GASK1B: variants seen among roughly 807,000 people sequenced by gnomAD.
GASK1B encodes Golgi-associated kinase 1B.
Under a neutral mutation model 42.8 loss-of-function variants are expected in GASK1B, and 34 were observed. The observed-to-expected ratio is 0.79, with a 90% confidence interval of 0.60 to 1.06. The LOEUF (loss-of-function observed/expected upper bound fraction) is 1.06. Among genes scored for constraint, GASK1B ranks in the 50% least tolerant of loss-of-function variants. The probability of loss-of-function intolerance (pLI) is 0.00; values close to 1 mark genes in which losing one functional copy is unlikely to be tolerated. For missense variants in GASK1B, 686 were observed against 661.0 expected, an observed-to-expected ratio of 1.04 and a Z score of -0.42; for synonymous variants, 262 against 259.1, an observed-to-expected ratio of 1.01 and a Z score of -0.11.
At chr4:158,155,549 G>A in intron 3 of GASK1B, 62 bp downstream of exon 3, 1 of 1,359,508 alleles carries the variant, frequency 7.4e-7, no homozygotes, top group Non-Finnish European at 1.0e-6. Flanking sequence ...ATTCCTTAGT[G>A]TCAGGCTAAT....
At chr4:158,170,278 A>T (rs1239971122) in intron 2 of GASK1B, 188 bp downstream of exon 2, 3 of 1,614,144 alleles carry the variant, frequency 1.9e-6, no homozygotes, top group Non-Finnish European at 2.5e-6. Flanking sequence ...TTTCCCTGGA[A>T]CTCTCATATC....
chr4:158,155,796 C>T lies in GASK1B; in HGVS notation c.940G>A (p.Asp314Asn). ...TTACTTGCTGAAGATAAAGATGCAT[C>T]CCAAAGAATGATGGGGCATGGGCGG... ...DGRPCPIILW[D>N]ASLSSASNDT... The change falls in exon 3 of 5, where the codon GAT (aspartate) becomes AAT (asparagine). Residue 314 changes from aspartate to asparagine, a missense_variant. Transcript: ENST00000585682. 6.2e-7 allele frequency: 1 copy of T among 1,613,724 alleles called. No homozygotes were observed. Among genetic ancestry groups the T allele is most frequent in the Non-Finnish European group, 8.5e-7 (1 of 1,179,748 alleles).
intron 3 of GASK1B, among the ~76,000 whole-genome samples, chr4:158,135,402 T>G (rs1296631400): frequency 2.7e-5 from 4 of 149,904 alleles, no homozygotes; most frequent in African/African-American, 9.8e-5. Context: ...ATAATAAAAA[T>G]ATTAATAGCA....
chr4:158,160,598 G>A (rs953095561), intron 2 of GASK1B, among the ~76,000 whole-genome samples: 4 of 152,106 alleles, frequency 2.6e-5, no homozygotes, highest in African/African-American at 7.2e-5. Flanking sequence ...TCCTAATTCT[G>A]GGTATCTATC....
chr4:158,150,985 C>T (rs767301360), intron 3 of GASK1B, among the ~76,000 whole-genome samples: 3 of 152,212 alleles, frequency 2.0e-5, no homozygotes, highest in Non-Finnish European at 4.4e-5. Context: ...TCTGCAATTT[C>T]TTCCTCCTAC....
intron 3 of GASK1B, among the ~76,000 whole-genome samples, chr4:158,155,223 G>A (rs1172587807): frequency 2.6e-5 from 4 of 152,052 alleles, no homozygotes; most frequent in African/African-American, 9.7e-5. Context: ...GGCCCTGAAA[G>A]AAATCAAAGT....
rs536034414 is a variant in GASK1B, at chr4:158,151,953, T to C, written c.1125+3658A>G. On this transcript the variant is annotated intron_variant, in intron 3 of 4. Transcript: ENST00000585682. ...CCACCCTCAATCTGGGTGGGCACCGTCTAATTAGCTGCCAGCACAGCTAGA... is the reference window on the plus strand; with the variant it reads ...CCACCCTCAATCTGGGTGGGCACCGCCTAATTAGCTGCCAGCACAGCTAGA... Among the ~76,000 whole-genome samples the C allele has an allele frequency of 3.3e-5, 5 of 152,264 alleles. No homozygotes were observed. The East Asian group carries it at 9.7e-4, about 29-fold the overall frequency.
At chr4:158,150,171 C>T (rs867758496) in intron 3 of GASK1B, among the ~76,000 whole-genome samples, 10 of 152,004 alleles carry the variant, frequency 6.6e-5, no homozygotes, top group Middle Eastern at 3.4e-3. Context: ...GTGATCTGCC[C>T]GCCTCGGCCT....
At chr4:158,154,875 G>A (rs1731699224) in intron 3 of GASK1B, among the ~76,000 whole-genome samples, 1 of 152,096 alleles carries the variant, frequency 6.6e-6, no homozygotes, top group African/African-American at 2.4e-5. Context: ...GGAGGAGAGT[G>A]AGGGATAAAA....
At chr4:158,129,233 G>C (rs964992153) in intron 4 of GASK1B, among the ~76,000 whole-genome samples, 2 of 152,184 alleles carry the variant, frequency 1.3e-5, no homozygotes, top group African/African-American at 4.8e-5. Flanking sequence ...ACATTTACAT[G>C]AATGTATGAA....
intron 3 of GASK1B, among the ~76,000 whole-genome samples, chr4:158,145,892 C>A (rs1731312972): frequency 6.6e-6 from 1 of 152,102 alleles, no homozygotes; most frequent in Non-Finnish European, 1.5e-5. Flanking sequence ...TTTGTTGGTC[C>A]TCCTCTATGT....
chr4:158,166,304 C>T (rs559153082), intron 2 of GASK1B, among the ~76,000 whole-genome samples: 1 of 152,220 alleles, frequency 6.6e-6, no homozygotes, highest in Non-Finnish European at 1.5e-5. Flanking sequence ...CAATCAAGAT[C>T]TTGTCCCAGA....
chr4:158,138,867 T>G (rs1731007888), intron 3 of GASK1B, among the ~76,000 whole-genome samples: 1 of 152,182 alleles, frequency 6.6e-6, no homozygotes, highest in African/African-American at 2.4e-5. Context: ...AAATTTTGCT[T>G]TTATGAGTTA....
intron 3 of GASK1B, among the ~76,000 whole-genome samples, chr4:158,131,596 A>C (rs1730685821): frequency 6.6e-6 from 1 of 152,222 alleles, no homozygotes; most frequent in South Asian, 2.1e-4. Flanking sequence ...CATATGAACA[A>C]AATGGGCCTA....
intron 3 of GASK1B, among the ~76,000 whole-genome samples, chr4:158,134,936 G>T (rs2110937513): frequency 6.6e-6 from 1 of 152,236 alleles, no homozygotes; most frequent in East Asian, 1.9e-4. Flanking sequence ...TCAAAAATGG[G>T]CCTATCAAGA....
intron 4 of GASK1B, among the ~76,000 whole-genome samples, chr4:158,128,359 G>A (rs955088702): frequency 6.6e-6 from 1 of 152,120 alleles, no homozygotes; most frequent in Non-Finnish European, 1.5e-5. Context: ...TACCTTAAAA[G>A]AATGCATTGT....
chr4:158,145,886 T>C (rs913026948), intron 3 of GASK1B, among the ~76,000 whole-genome samples: 1 of 152,222 alleles, frequency 6.6e-6, no homozygotes, highest in African/African-American at 2.4e-5. Context: ...CATATCTTTG[T>C]TGGTCCTCCT....
intron 3 of GASK1B, among the ~76,000 whole-genome samples, chr4:158,149,787 A>G (rs1325613422): frequency 6.6e-6 from 1 of 152,190 alleles, no homozygotes; most frequent in African/African-American, 2.4e-5. Flanking sequence ...ATGGCTAAAA[A>G]TATGGAATCC....
At position 158,155,738 on chromosome 4, in the gene GASK1B, C is replaced by G. The variant is rs766271598; in HGVS notation, c.998G>C (p.Gly333Ala). Residue 333 changes from glycine (G) to alanine (A), a missense_variant, in exon 3 of 5, where the codon GGA (glycine) becomes GCA (alanine). Coordinates refer to ENST00000585682, the MANE Select transcript of GASK1B (RefSeq NM_001128424.2). The stretch of plus-strand genomic sequence containing the variant: ...CTGTTTCAGCAACTGCTGATAAGTT[C>G]CCCAGGTGAGCTTAACAGAAGAATG... The part of the protein sequence containing the change: ...DTHSSVKLTW[G>A]TYQQLLKQKC... 13 of 1,613,856 alleles carry G rather than the reference C, an allele frequency of 8.1e-6. No homozygotes were observed. The South Asian group carries it at 1.4e-4, about 18-fold the overall frequency.
Sources: gnomAD v4.1 joint callset for allele counts (sites outside exome capture counted in the v4.1 genomes callset) on GRCh38, gnomAD v4.1.1 for gene constraint, MANE v1.5 for transcripts, NCBI Gene and HGNC (gene_info 2026-07-23, HGNC 2026-07-21) for gene names.